Variants in DNA2 observed in about 807,000 individuals in gnomAD.
The protein encoded by DNA2 is DNA replication ATP-dependent helicase/nuclease DNA2.
In DNA2, 101 loss-of-function variants were observed where a neutral mutation model predicts 119.1. That is an observed-to-expected ratio of 0.85 (90% CI 0.72 to 1.00). The LOEUF (loss-of-function observed/expected upper bound fraction) is 1.00. Ranked by LOEUF, DNA2 falls within the 50% of genes least tolerant of loss-of-function variation. The pLI is 0.00. For missense variants in DNA2, 1,121 were observed against 1,255.5 expected (o/e 0.89, Z 1.62); for synonymous variants, 366 against 424.4 (o/e 0.86, Z 1.69).
rs1469216247 is a variant in DNA2, at chr10:68,450,083, A to G, written c.884T>C (p.Met295Thr). ...HRGYKTKYKI[M>T]PLELKTGKES... ...TTTGCCAGTTTTAAGTTCCAGCGGC[A>G]TTATCTTGTATTTTGTTTTATACCC... The change falls in exon 6 of 21, where the codon ATG becomes ACG. Residue 295 changes from methionine (M) to threonine (T), a missense_variant. Met to Thr is a moderately conservative substitution (Grantham distance 81, BLOSUM62 -1). Transcript: ENST00000358410. 6.2e-7 allele frequency: 1 copy of G among 1,602,340 alleles called. No individual in the cohort carries two copies. The highest frequency in any genetic ancestry group is 1.3e-5 in the African/African-American group (1 of 74,918).
intron 9 of DNA2, among the ~76,000 whole-genome samples, chr10:68,440,326 G>A (rs1233435190): frequency 6.6e-6 from 1 of 151,944 alleles, no homozygotes; most frequent in East Asian, 1.9e-4. Context: ...TTGAGACGGA[G>A]TCTCTCTGTT....
At chr10:68,444,719 C>T (rs1291918986) in intron 8 of DNA2, among the ~76,000 whole-genome samples, 1 of 102,370 alleles carries the variant, frequency 9.8e-6, no homozygotes, top group African/African-American at 3.7e-5. Context: ...AGCAAAAAGT[C>T]CGTCTCAAAA....
At position 68,422,511 on chromosome 10, in the gene DNA2, A is replaced by G. The variant is rs2273904; in HGVS notation, c.2492+4T>C. The G allele has an allele frequency of 3.6e-4, 586 of 1,613,842 alleles. 5 individuals carry two copies. In the East Asian group the frequency reaches 0.013, roughly 35 times the overall value. ...CCACTCCTAGCTAACACTGTTACAAATACCTGTTCATTCTGTACTGCACGG... is the reference window on the plus strand; with the variant it reads ...CCACTCCTAGCTAACACTGTTACAAGTACCTGTTCATTCTGTACTGCACGG... On this transcript the variant is annotated splice_donor_region_variant and intron_variant, in intron 16 of 20. Transcript: ENST00000358410.
chr10:68,424,298 G>A (rs2051705714), intron 14 of DNA2, among the ~76,000 whole-genome samples: 2 of 152,154 alleles, frequency 1.3e-5, no homozygotes, highest in South Asian at 4.1e-4. Context: ...GAGCTCAGGA[G>A]TTTGAGACCA....
chr10:68,445,487 T>C (rs953623394), intron 7 of DNA2, among the ~76,000 whole-genome samples: 2 of 151,746 alleles, frequency 1.3e-5, no homozygotes, highest in African/African-American at 4.8e-5. Flanking sequence ...AATAAATAAA[T>C]AAAATAAAAA....
At chr10:68,435,832 T>A (rs1160624434) in intron 10 of DNA2, among the ~76,000 whole-genome samples, 1 of 152,080 alleles carries the variant, frequency 6.6e-6, no homozygotes, top group Non-Finnish European at 1.5e-5. Context: ...ATGGGAAAAA[T>A]AAACATTTTT....
intron 8 of DNA2, among the ~76,000 whole-genome samples, chr10:68,444,591 G>A (rs1413155541): frequency 6.6e-6 from 1 of 151,586 alleles, no homozygotes; most frequent in Non-Finnish European, 1.5e-5. Context: ...GGGAATGGTA[G>A]CACATGGCTG....
intron 5 of DNA2, among the ~76,000 whole-genome samples, chr10:68,457,990 T>C (rs772332194): frequency 2.5e-4 from 38 of 151,862 alleles, no homozygotes; most frequent in East Asian, 9.7e-4. Context: ...CTGGCCAACA[T>C]GGTGAAACTT....
At chr10:68,460,660 G>A (rs1179739015) in intron 4 of DNA2, among the ~76,000 whole-genome samples, 4 of 151,920 alleles carry the variant, frequency 2.6e-5, no homozygotes, top group Non-Finnish European at 4.4e-5. Context: ...TGCCCGCCTC[G>A]GCCTCTGAAA....
chr10:68,415,239 G>T, intron 20 of DNA2, 132 bp from the exon 21 acceptor site: 5 of 541,478 alleles, frequency 9.2e-6, no homozygotes, highest in Non-Finnish European at 1.3e-5. Context: ...GGCATTCAAT[G>T]AATAATTATG....
At chr10:68,465,328 C>T (rs538294708) in intron 4 of DNA2, among the ~76,000 whole-genome samples, 162 of 152,246 alleles carry the variant, frequency 1.1e-3, no homozygotes, top group Non-Finnish European at 1.9e-3. Context: ...TAAAGATGCA[C>T]TTTGAAACCA....
At chr10:68,440,456 C>A (rs1001641554) in intron 9 of DNA2, among the ~76,000 whole-genome samples, 1 of 151,868 alleles carries the variant, frequency 6.6e-6, no homozygotes, top group Admixed American at 6.6e-5. Flanking sequence ...TGCCACCATG[C>A]CCAGCTAATA....
chr10:68,444,912 A>G lies in DNA2; in HGVS notation c.1220+9T>C. 1 of 1,608,966 alleles carries G rather than the reference A, an allele frequency of 6.2e-7. No homozygotes were observed. On this transcript the variant is annotated intron_variant, in intron 8 of 20. Transcript: ENST00000358410. ...ACTAGAAATAATGCCTTTGGTAGACAATATTTACCTGCTATAAAGAGCACA... is the reference window on the plus strand; with the variant it reads ...ACTAGAAATAATGCCTTTGGTAGACGATATTTACCTGCTATAAAGAGCACA...
At chr10:68,460,669 A>G (rs1444558035) in intron 4 of DNA2, among the ~76,000 whole-genome samples, 1 of 152,022 alleles carries the variant, frequency 6.6e-6, no homozygotes, top group East Asian at 1.9e-4. Context: ...CGGCCTCTGA[A>G]AGTGCTGGGA....
intron 8 of DNA2, among the ~76,000 whole-genome samples, chr10:68,443,780 G>A (rs1394232407): frequency 6.6e-6 from 1 of 150,984 alleles, no homozygotes; most frequent in Non-Finnish European, 1.5e-5. Context: ...GTGAAATCCC[G>A]TCTCTACTAA....
chr10:68,457,348 A>G (rs1245612522), intron 5 of DNA2, among the ~76,000 whole-genome samples: 1 of 152,072 alleles, frequency 6.6e-6, no homozygotes, highest in African/African-American at 2.4e-5. Flanking sequence ...CGTTTCCCCT[A>G]CCTAGAACAT....
chr10:68,444,921 C>G lies in DNA2; in HGVS notation c.1220G>C (p.Arg407Thr). ...AATGCCTTTGGTAGACAATATTTAC[C>G]TGCTATAAAGAGCACAATTGCCAAT... ...SQIGNCALYS[R>T]AVEQQMDCSS... The change falls in exon 8 of 21, where the codon AGA becomes ACA. Residue 407 changes from arginine (R) to threonine (T), a missense_variant and splice_region_variant. Arg to Thr is a moderately conservative substitution (Grantham distance 71). Coordinates refer to ENST00000358410, the MANE Select transcript of DNA2 (RefSeq NM_001080449.3). 1 of 1,610,290 alleles carries G rather than the reference C, an allele frequency of 6.2e-7. No individual in the cohort carries two copies. Among genetic ancestry groups the G allele is most frequent in the Non-Finnish European group, 8.5e-7 (1 of 1,177,786 alleles).
intron 2 of DNA2, among the ~76,000 whole-genome samples, chr10:68,469,320 C>A (rs989534701): frequency 4.9e-5 from 7 of 143,628 alleles, no homozygotes; most frequent in Admixed American, 2.2e-4. Flanking sequence ...CCGAGGTGGG[C>A]GGATCACGAG....
Position 68,422,788 on chromosome 10 carries a change from T to C in DNA2, c.2311A>G (p.Ile771Val). 1 of 1,609,750 alleles carries C rather than the reference T, an allele frequency of 6.2e-7. No individual in the cohort carries two copies. Among genetic ancestry groups the C allele is most frequent in the East Asian group, 2.2e-5 (1 of 44,858 alleles). ...GAAAAAAAAAGGGGGCCCAGACAAA[T>C]TGGTTGGCTAATTTGAGAGGCTTCA... Reference protein sequence around the residue: ...VDEASQISQPICLGPLFFSRR... With the variant: ...VDEASQISQPVCLGPLFFSRR... Residue 771 changes from isoleucine (I) to valine (V), a missense_variant, in exon 15 of 21, where the codon ATT becomes GTT. By Grantham distance (29) the Ile-to-Val change is conservative (BLOSUM62 3). Transcript: ENST00000358410.
Sources: allele counts gnomAD v4.1 joint callset (sites outside exome capture counted in the v4.1 genomes callset), GRCh38; gene constraint gnomAD v4.1.1; transcripts MANE v1.5; gene names NCBI Gene and HGNC (gene_info 2026-07-23, HGNC 2026-07-21).